Variants in CBFA2T2 observed in about 807,000 individuals in gnomAD.
CBFA2T2 encodes the protein protein CBFA2T2.
CBFA2T2 carries 11 observed loss-of-function variants against 62.2 expected under a neutral mutation model. The ratio of observed to expected loss-of-function variants is 0.18; its 90% CI spans 0.11 to 0.29. The LOEUF is 0.29. CBFA2T2 is among the 10% of genes least tolerant of loss of function. The probability of loss-of-function intolerance (pLI) is 1.00; values close to 1 mark genes in which losing one functional copy is unlikely to be tolerated. For missense variants in CBFA2T2, 592 were observed against 774.1 expected, an observed-to-expected ratio of 0.76 and a Z score of 2.79; for synonymous variants, 295 against 287.5, an observed-to-expected ratio of 1.03 and a Z score of -0.27.
chr20:33,562,566 G>T, intron 1 of CBFA2T2: 9 of 985,858 alleles, frequency 9.1e-6, no homozygotes, highest in Non-Finnish European at 1.1e-5. Flanking sequence ...GCTGGTCTCC[G>T]ATTGAGCTTT....
intron 1 of CBFA2T2, among the ~76,000 whole-genome samples, chr20:33,516,324 G>T (rs903386891): frequency 6.6e-6 from 1 of 150,962 alleles, no homozygotes; most frequent in Non-Finnish European, 1.5e-5. Context: ...ATAAAAATTA[G>T]CTGGGTGTGG....
At chr20:33,541,621 T>G (rs538223609) in intron 1 of CBFA2T2, among the ~76,000 whole-genome samples, 16 of 152,224 alleles carry the variant, frequency 1.1e-4, no homozygotes, top group African/African-American at 3.6e-4. Context: ...TCCACAGTTA[T>G]GTTCCTGGTT....
At chr20:33,522,565 A>G (rs1161225288) in intron 1 of CBFA2T2, among the ~76,000 whole-genome samples, 2 of 146,386 alleles carry the variant, frequency 1.4e-5, no homozygotes, top group African/African-American at 2.5e-5. Flanking sequence ...CTGTTTGTTT[A>G]AAAAAAAAAA....
Position 33,491,101 on chromosome 20 carries a change from G to A in CBFA2T2, c.34+800G>A, listed in dbSNP as rs1316586011. Among the ~76,000 whole-genome samples the A allele has an allele frequency of 3.9e-5, 6 of 152,274 alleles. No individual in the cohort carries two copies. In the East Asian group the frequency reaches 1.2e-3, roughly 29 times the overall value. ...TATTTATCTAGTGTTCCTCCTTGATGTGTGAGATCCTTGGGGGAGGGGTGG... is the reference window on the plus strand; with the variant it reads ...TATTTATCTAGTGTTCCTCCTTGATATGTGAGATCCTTGGGGGAGGGGTGG... On this transcript the variant is annotated intron_variant, in intron 1 of 10. Transcript: ENST00000342704.
intron 3 of CBFA2T2, among the ~76,000 whole-genome samples, chr20:33,617,404 G>A (rs556324634): frequency 6.6e-6 from 1 of 152,240 alleles, no homozygotes; most frequent in Middle Eastern, 3.4e-3. Flanking sequence ...ATAAAATAAG[G>A]TTTTATAAAC....
At chr20:33,540,857 C>T (rs1280188704) in intron 1 of CBFA2T2, among the ~76,000 whole-genome samples, 3 of 152,108 alleles carry the variant, frequency 2.0e-5, no homozygotes, top group African/African-American at 7.2e-5. Flanking sequence ...CCTATAACTC[C>T]AGAATCACCA....
At chr20:33,586,425 C>T (rs566178284) in intron 1 of CBFA2T2, among the ~76,000 whole-genome samples, 5 of 152,152 alleles carry the variant, frequency 3.3e-5, no homozygotes, top group East Asian at 3.9e-4. Flanking sequence ...TGAGCCACCG[C>T]GCCCAGCCTA....
chr20:33,529,372 C>G (rs2146868079), intron 1 of CBFA2T2, among the ~76,000 whole-genome samples: 1 of 152,208 alleles, frequency 6.6e-6, no homozygotes, highest in Admixed American at 6.5e-5. Flanking sequence ...TTCATGTTCT[C>G]CTTTGGTAAC....
intron 1 of CBFA2T2, among the ~76,000 whole-genome samples, chr20:33,498,972 G>A (rs559697913): frequency 1.3e-4 from 20 of 151,940 alleles, no homozygotes; most frequent in Non-Finnish European, 2.2e-4. Context: ...GAACCCAGGG[G>A]GCGGAAGGTT....
chr20:33,563,885 G>A (rs1289846722), intron 1 of CBFA2T2, among the ~76,000 whole-genome samples: 1 of 151,946 alleles, frequency 6.6e-6, no homozygotes, highest in African/African-American at 2.4e-5. Context: ...TGCTGTACTC[G>A]TCTCAGATTG....
chr20:33,549,015 C>G (rs1322191327), intron 1 of CBFA2T2, among the ~76,000 whole-genome samples: 1 of 152,094 alleles, frequency 6.6e-6, no homozygotes, highest in African/African-American at 2.4e-5. Flanking sequence ...CGTATTCATT[C>G]ATTGTACTTA....
chr20:33,531,019 G>C (rs778547225), intron 1 of CBFA2T2, among the ~76,000 whole-genome samples: 1 of 152,078 alleles, frequency 6.6e-6, no homozygotes, highest in African/African-American at 2.4e-5. Flanking sequence ...GGAGGCGGAG[G>C]TTGCAGTGAG....
chr20:33,642,116 TTGTGTGTG>T lies in CBFA2T2; in HGVS notation c.1488+1626_1488+1633del, dbSNP rs869240464. Among the ~76,000 whole-genome samples the T allele has an allele frequency of 7.3e-3, 431 of 59,028 alleles. 3 individuals are homozygous for T. The highest frequency in any genetic ancestry group is 0.011 in the East Asian group (16 of 1,426). 38.7% of individuals were successfully genotyped at this position (59,028 alleles called of 152,430 possible). The stretch of plus-strand genomic sequence containing the variant: ...TCCTCCTCCTTTGTCTTTTTTTTTT[TTGTGTGTG>T]TGTGTGTGTGTGTGTGTGTGTGTGT... On this transcript the variant is annotated intron_variant, in intron 10 of 10. Transcript: ENST00000342704.
intron 9 of CBFA2T2, among the ~76,000 whole-genome samples, chr20:33,639,888 C>CA (rs1044737293): frequency 5.3e-5 from 8 of 150,310 alleles, no homozygotes; most frequent in East Asian, 3.9e-4. Context: ...GGCCCTGTCT[C>CA]AAAAAAAAAG....
In CBFA2T2 at chr20:33,629,766, G is replaced by A. The variant is rs771803713; in HGVS notation, c.1080G>A (p.Met360Ile). The change falls in exon 8 of 11, where the codon ATG becomes ATA. Residue 360 changes from methionine to isoleucine, a missense_variant. Around this residue, in one of 3 missense-constraint regions of CBFA2T2, gnomAD observed 449 missense variants for 551.2 expected, o/e 0.81. Transcript: ENST00000342704. ...TGGTAGAGAAAACAAGGCGCTCTAT[G>A]GCAGTTCTGCGGCGCTGTCAGGAAT... Reference protein sequence around the residue: ...MEMVEKTRRSMAVLRRCQESD... With the variant: ...MEMVEKTRRSIAVLRRCQESD... 8 of 1,614,142 alleles carry A rather than the reference G, an allele frequency of 5.0e-6. No individual in the cohort carries two copies. Among genetic ancestry groups the A allele is most frequent in the Non-Finnish European group, 5.1e-6 (6 of 1,180,030 alleles).
At chr20:33,526,167 G>A (rs1024235386) in intron 1 of CBFA2T2, among the ~76,000 whole-genome samples, 7 of 152,200 alleles carry the variant, frequency 4.6e-5, no homozygotes, top group Non-Finnish European at 8.8e-5. Context: ...GATTACAGGC[G>A]TGAGCCACCG....
intron 1 of CBFA2T2, chr20:33,573,958 T>TA (rs2013695853): frequency 5.9e-6 from 2 of 339,302 alleles, no homozygotes. Context: ...TTTTTCTTAT[T>TA]TTTTTTTTTT....
intron 1 of CBFA2T2, among the ~76,000 whole-genome samples, chr20:33,592,616 T>C (rs2146927935): frequency 6.6e-6 from 1 of 152,056 alleles, no homozygotes; most frequent in South Asian, 2.1e-4. Context: ...TCCCAGTTAC[T>C]TGGGAGGCTG....
At chr20:33,519,786 C>A (rs1280117225) in intron 1 of CBFA2T2, among the ~76,000 whole-genome samples, 5 of 152,108 alleles carry the variant, frequency 3.3e-5, no homozygotes, top group Non-Finnish European at 5.9e-5. Context: ...TTAGAGGTAA[C>A]CTGAAGACTC....
Sources: allele counts gnomAD v4.1 joint callset (sites outside exome capture counted in the v4.1 genomes callset), GRCh38; gene constraint gnomAD v4.1.1; regional missense constraint gnomAD v4.1.1; transcripts MANE v1.5; gene names NCBI Gene and HGNC (gene_info 2026-07-23, HGNC 2026-07-21).